The following TDRD12 variants were observed in gnomAD, a reference collection of about 807,000 sequenced individuals.
TDRD12 encodes tudor domain containing 12, also known as putative ATP-dependent RNA helicase TDRD12.
In TDRD12, 158 loss-of-function variants were observed where a neutral mutation model predicts 133.5. The observed-to-expected ratio is 1.18, with a 90% CI of 1.04 to 1.35. The LOEUF (loss-of-function observed/expected upper bound fraction) is 1.35. Among genes scored for constraint, TDRD12 ranks in the 40% most tolerant of loss-of-function variants. TDRD12 has a pLI of 0.00. For synonymous variants in TDRD12, 460 were observed against 477.9 expected, an observed-to-expected ratio of 0.96 and a Z score of 0.49; for missense variants, 1,443 against 1,321.3, an observed-to-expected ratio of 1.09 and a Z score of -1.43.
intron 13 of TDRD12, 58 bp downstream of exon 13, chr19:32,791,126 G>A (rs550531039): frequency 2.0e-6 from 3 of 1,486,990 alleles, no homozygotes; most frequent in South Asian, 1.3e-5. Flanking sequence ...TAATAGAGAA[G>A]GATTTTGAAA....
At chr19:32,774,503 A>G (rs1178875207) in intron 10 of TDRD12, among the ~76,000 whole-genome samples, 1 of 151,892 alleles carries the variant, frequency 6.6e-6, no homozygotes, top group Non-Finnish European at 1.5e-5. Context: ...CATTTTGAAA[A>G]GGATACCTTT....
chr19:32,760,689 ACT>A (rs757146122), intron 8 of TDRD12, among the ~76,000 whole-genome samples: 7 of 152,022 alleles, frequency 4.6e-5, no homozygotes, highest in Non-Finnish European at 1.0e-4. Context: ...AGGGAGATTC[ACT>A]CTCGTGCCCC....
At chr19:32,761,225 C>T (rs1481637088) in intron 8 of TDRD12, among the ~76,000 whole-genome samples, 1 of 152,240 alleles carries the variant, frequency 6.6e-6, no homozygotes, top group Non-Finnish European at 1.5e-5. Context: ...ACACTATTCT[C>T]CTGCCTCAGC....
At chr19:32,774,134 A>G (rs1372968251) in intron 10 of TDRD12, among the ~76,000 whole-genome samples, 1 of 152,240 alleles carries the variant, frequency 6.6e-6, no homozygotes, top group Non-Finnish European at 1.5e-5. Context: ...AAAATTGCAG[A>G]AAGGATGTAA....
chr19:32,763,197 C>CTTGTTT (rs1033310430), intron 8 of TDRD12, among the ~76,000 whole-genome samples: 3 of 152,072 alleles, frequency 2.0e-5, no homozygotes, highest in Non-Finnish European at 4.4e-5. Context: ...ATTTATTGCC[C>CTTGTTT]TTGTTTTTTT....
intron 16 of TDRD12, among the ~76,000 whole-genome samples, chr19:32,799,405 C>A (rs1444249822): frequency 6.6e-6 from 1 of 152,208 alleles, no homozygotes; most frequent in Admixed American, 6.5e-5. Flanking sequence ...CCCCAGTTTT[C>A]TCCTCCAGCC....
At chr19:32,803,198 C>G in intron 21 of TDRD12, 56 bp downstream of exon 21, 1 of 1,263,884 alleles carries the variant, frequency 7.9e-7, no homozygotes. Flanking sequence ...GTAAGGTGCA[C>G]AGCTGTTGCA....
Position 32,798,289 on chromosome 19 carries a change from C to CT in TDRD12, c.1631-9dup, listed in dbSNP as rs34676931. On this transcript the variant is annotated intron_variant, in intron 15 of 27. Coordinates refer to ENST00000444215, the Ensembl canonical transcript of TDRD12. ...ACCTGTGGAAAATTGAAAATGTTCA[C>CT]TTTTTTTTTTAAATGCAGGTGATGT... is the stretch of plus-strand genomic sequence containing the variant. 2,867 of 1,214,418 alleles carry CT rather than the reference C, an allele frequency of 2.4e-3. No individual in the cohort carries two copies. Among genetic ancestry groups the CT allele is most frequent in the Admixed American group, 4.7e-3 (193 of 41,280 alleles). 75.2% of individuals were successfully genotyped at this position (1,214,418 alleles called of 1,614,324 possible). A position where few individuals can be genotyped will look rare whatever the true frequency, so the allele number is the denominator to read the frequency against.
At chr19:32,736,612 G>T (rs1363505315) in intron 2 of TDRD12, among the ~76,000 whole-genome samples, 1 of 152,160 alleles carries the variant, frequency 6.6e-6, no homozygotes, top group Admixed American at 6.6e-5. Flanking sequence ...TGAATTATTC[G>T]AGTTTTGAGT....
chr19:32,721,080 G>A (rs1040959975), intron 1 of TDRD12, among the ~76,000 whole-genome samples: 9 of 152,030 alleles, frequency 5.9e-5, no homozygotes, highest in Non-Finnish European at 1.3e-4. Context: ...CCATGGGTCC[G>A]GGCTTCCCTC....
At chr19:32,759,439 C>G (rs960000694) in intron 8 of TDRD12, among the ~76,000 whole-genome samples, 2 of 150,830 alleles carry the variant, frequency 1.3e-5, no homozygotes, top group African/African-American at 4.9e-5. Context: ...GAGACGGGGT[C>G]TTGCTCGGTT....
At chr19:32,806,438 G>A (rs1226048923) in intron 21 of TDRD12, among the ~76,000 whole-genome samples, 1 of 148,534 alleles carries the variant, frequency 6.7e-6, no homozygotes, top group Non-Finnish European at 1.5e-5. Flanking sequence ...CGCCTCCCGT[G>A]TTCAAGCAGT....
chr19:32,781,551 A>G (rs1375905578), intron 11 of TDRD12, among the ~76,000 whole-genome samples: 1 of 152,222 alleles, frequency 6.6e-6, no homozygotes, highest in Non-Finnish European at 1.5e-5. Context: ...GACTTTGCAT[A>G]AATGCTTTTA....
intron 17 of TDRD12, 104 bp from the exon 18 acceptor site, chr19:32,800,540 T>C: frequency 9.8e-7 from 1 of 1,020,656 alleles, no homozygotes; most frequent in Admixed American, 3.3e-5. Flanking sequence ...TTTATATTGA[T>C]TTCCTATACA....
chr19:32,776,804 G>T (rs1970597394), intron 10 of TDRD12, among the ~76,000 whole-genome samples: 1 of 152,198 alleles, frequency 6.6e-6, no homozygotes, highest in Non-Finnish European at 1.5e-5. Flanking sequence ...TGCTTATGTA[G>T]ATAAACCAAT....
intron 6 of TDRD12, among the ~76,000 whole-genome samples, chr19:32,754,170 A>G (rs1026263673): frequency 1.3e-5 from 2 of 152,148 alleles, no homozygotes; most frequent in Non-Finnish European, 2.9e-5. Context: ...ATAACTTAGT[A>G]AAAATACCAA....
chr19:32,791,154 G>A, intron 13 of TDRD12, 86 bp downstream of exon 13: 3 of 1,340,410 alleles, frequency 2.2e-6, no homozygotes, highest in Non-Finnish European at 3.0e-6. Context: ...CTCTAAGGTT[G>A]CATTGTATAA....
chr19:32,822,608 G>A (rs1346490398), downstream of TDRD12, among the ~76,000 whole-genome samples: 4 of 151,932 alleles, frequency 2.6e-5, no homozygotes, highest in African/African-American at 7.3e-5. Flanking sequence ...TTAGCCAGGC[G>A]TGGTGGTGGG....
chr19:32,775,939 A>T (rs1363322710), intron 10 of TDRD12, among the ~76,000 whole-genome samples: 1 of 151,738 alleles, frequency 6.6e-6, no homozygotes, highest in Non-Finnish European at 1.5e-5. Context: ...GGTTGGTGTC[A>T]TTTGTCTTAG....
Sources: gnomAD v4.1 joint callset for allele counts (sites outside exome capture counted in the v4.1 genomes callset) on GRCh38, gnomAD v4.1.1 for gene constraint, MANE v1.5 for transcripts, NCBI Gene and HGNC (gene_info 2026-07-23, HGNC 2026-07-21) for gene names.